BBX: variants seen among roughly 807,000 people sequenced by gnomAD.
BBX encodes HMG box transcription factor BBX.
Under a neutral mutation model 100.2 loss-of-function variants are expected in BBX, and 30 were observed. The ratio of observed to expected loss-of-function variants is 0.30; its 90% CI spans 0.22 to 0.41. The LOEUF (loss-of-function observed/expected upper bound fraction) is 0.41, where lower values mean the gene tolerates loss of function less well. Ranked by LOEUF, BBX falls within the 10% of genes least tolerant of loss-of-function variation. The pLI is 1.00. For missense variants in BBX, 1,023 were observed against 1,129.8 expected, an observed-to-expected ratio of 0.91 and a Z score of 1.35; for synonymous variants, 376 against 388.1, an observed-to-expected ratio of 0.97 and a Z score of 0.37.
At chr3:107,676,964 A>G (rs187137806) in intron 3 of BBX, among the ~76,000 whole-genome samples, 75 of 152,250 alleles carry the variant, frequency 4.9e-4, no homozygotes, top group Non-Finnish European at 8.8e-5. Flanking sequence ...ACTAGAGGGT[A>G]TAATTGGAAC....
chr3:107,544,063 T>A (rs2049039293), intron 2 of BBX, among the ~76,000 whole-genome samples: 2 of 152,200 alleles, frequency 1.3e-5, no homozygotes, highest in Admixed American at 6.5e-5. Context: ...AAGTTTTATT[T>A]GGGAGAAAAT....
intron 2 of BBX, among the ~76,000 whole-genome samples, chr3:107,531,921 G>A (rs562842111): frequency 9.5e-4 from 145 of 152,180 alleles, no homozygotes; most frequent in African/African-American, 3.3e-3. Flanking sequence ...ACTTTCTTCC[G>A]TCAAGACACA....
intron 3 of BBX, among the ~76,000 whole-genome samples, chr3:107,691,330 G>C (rs1345439559): frequency 6.6e-6 from 1 of 152,122 alleles, no homozygotes; most frequent in Non-Finnish European, 1.5e-5. Flanking sequence ...CATCAATTTA[G>C]TAAATTTACT....
At chr3:107,802,026 A>G (rs1467695762) in intron 17 of BBX, among the ~76,000 whole-genome samples, 1 of 152,254 alleles carries the variant, frequency 6.6e-6, no homozygotes, top group Non-Finnish European at 1.5e-5. Flanking sequence ...GAAGCCCCAC[A>G]GAAAGTATAT....
intron 6 of BBX, 114 bp from the exon 7 acceptor site, chr3:107,732,842 A>G (rs2063394448): frequency 2.4e-6 from 2 of 827,950 alleles, no homozygotes; most frequent in Non-Finnish European, 3.8e-6. Context: ...ATAAAAAGTT[A>G]TATGTGGTTC....
chr3:107,601,611 G>C (rs1049983622), intron 2 of BBX, among the ~76,000 whole-genome samples: 2 of 152,162 alleles, frequency 1.3e-5, no homozygotes, highest in African/African-American at 4.8e-5. Context: ...TCCTCTGAAG[G>C]CTGAGAGAGA....
At chr3:107,599,036 G>A (rs1008114532) in intron 2 of BBX, among the ~76,000 whole-genome samples, 4 of 152,226 alleles carry the variant, frequency 2.6e-5, no homozygotes, top group African/African-American at 2.4e-5. Context: ...TTGGCAGAGC[G>A]GGGGCTGGTG....
intron 2 of BBX, among the ~76,000 whole-genome samples, chr3:107,599,925 T>TGA (rs5851559): frequency 1 from 151,975 of 152,246 alleles, 75,853 homozygotes; most frequent in East Asian, 1. Flanking sequence ...CAAAGATTAA[T>TGA]GAGAGACTCC....
chr3:107,609,580 ATTTC>A (rs2054688627), intron 2 of BBX, among the ~76,000 whole-genome samples: 1 of 152,006 alleles, frequency 6.6e-6, no homozygotes, highest in South Asian at 2.1e-4. Context: ...CAGGTTTGGA[ATTTC>A]TTTATCATTC....
At chr3:107,553,585 T>C (rs190827702) in intron 2 of BBX, among the ~76,000 whole-genome samples, 127 of 152,180 alleles carry the variant, frequency 8.3e-4, no homozygotes, top group Middle Eastern at 3.4e-3. Context: ...ATAGGAGAGG[T>C]AGATTTTAGA....
rs2071232034 is a variant in BBX at position 107,810,190 on chromosome 3, A to G, written c.*4733A>G. 1 of 150,678 alleles carries G rather than the reference A, an allele frequency of 6.6e-6. No individual in the cohort carries two copies. The highest frequency in any genetic ancestry group is 6.6e-5 in the Admixed American group (1 of 15,134). The allele number at this position is 150,678 out of a possible 1,614,324, so 9.3% of individuals were successfully genotyped here. ...TATGTGCTACCCTTCCTTCAAATAT[A>G]TAAATGTGCATCTTTTTTTTAAAAA... is the stretch of plus-strand genomic sequence containing the variant. On this transcript the variant is annotated 3_prime_UTR_variant, in exon 18 of 18. Transcript: ENST00000325805.
chr3:107,691,974 T>C (rs2060199497), intron 3 of BBX, among the ~76,000 whole-genome samples: 1 of 152,108 alleles, frequency 6.6e-6, no homozygotes. Context: ...AAGTTTTGCT[T>C]TATGAAGTGA....
At chr3:107,629,188 C>A (rs1346909674) in intron 2 of BBX, among the ~76,000 whole-genome samples, 1 of 151,982 alleles carries the variant, frequency 6.6e-6, no homozygotes, top group African/African-American at 2.4e-5. Flanking sequence ...TAGCTTTTTC[C>A]GTTAGAACCT....
At chr3:107,561,950 C>G (rs2050530445) in intron 2 of BBX, among the ~76,000 whole-genome samples, 2 of 152,300 alleles carry the variant, frequency 1.3e-5, no homozygotes, top group South Asian at 4.1e-4. Flanking sequence ...GACTTGATAG[C>G]ACAAACTGAT....
intron 2 of BBX, among the ~76,000 whole-genome samples, chr3:107,585,491 A>G (rs1046198849): frequency 6.6e-6 from 1 of 152,164 alleles, no homozygotes; most frequent in African/African-American, 2.4e-5. Flanking sequence ...TATATATGAA[A>G]GCAAGAACAA....
At chr3:107,632,244 AT>A (rs766949235) in intron 2 of BBX, among the ~76,000 whole-genome samples, 102 of 145,400 alleles carry the variant, frequency 7.0e-4, no homozygotes, top group Admixed American at 6.2e-4. Context: ...TGCCCAGCTA[AT>A]TTTTTTTTTT....
At chr3:107,801,871 A>G (rs1012756312) in intron 17 of BBX, among the ~76,000 whole-genome samples, 1 of 151,824 alleles carries the variant, frequency 6.6e-6, no homozygotes, top group Admixed American at 6.6e-5. Flanking sequence ...TTTTTCTTCA[A>G]CTCTTCTGTG....
intron 3 of BBX, among the ~76,000 whole-genome samples, chr3:107,663,237 T>A (rs568512089): frequency 6.6e-6 from 1 of 152,326 alleles, no homozygotes; most frequent in South Asian, 2.1e-4. Context: ...AGTTTGTGGC[T>A]ATAGTCAGCA....
At chr3:107,644,110 G>A (rs989366028) in intron 2 of BBX, among the ~76,000 whole-genome samples, 4 of 152,110 alleles carry the variant, frequency 2.6e-5, no homozygotes, top group Non-Finnish European at 4.4e-5. Context: ...TGCAATTATG[G>A]TCAACTTTTT....
Sources: allele counts gnomAD v4.1 joint callset (sites outside exome capture counted in the v4.1 genomes callset), GRCh38; gene constraint gnomAD v4.1.1; transcripts MANE v1.5; gene names NCBI Gene and HGNC (gene_info 2026-07-23, HGNC 2026-07-21).